Variants in CPQ observed in about 807,000 individuals in gnomAD.
CPQ encodes the protein Ser-Met dipeptidase.
A neutral mutation model predicts 45.7 loss-of-function variants in CPQ; 37 were observed. The ratio of observed to expected loss-of-function variants is 0.81; its 90% confidence interval spans 0.62 to 1.07. CPQ has a LOEUF of 1.07. Among genes scored for constraint, CPQ ranks in the 50% least tolerant of loss-of-function variants. CPQ has a pLI of 0.00. For missense variants in CPQ, 537 were observed against 572.9 expected (o/e 0.94, Z 0.64); for synonymous variants, 186 against 205.8 (o/e 0.90, Z 0.82).
chr8:96,857,225 G>T (rs1811863280), intron 3 of CPQ, among the ~76,000 whole-genome samples: 1 of 152,156 alleles, frequency 6.6e-6, no homozygotes, highest in African/African-American at 2.4e-5. Context: ...GAGAAGAAAT[G>T]AATCTGTAAG....
chr8:96,795,941 G>A lies in CPQ; in HGVS notation c.433+10611G>A, dbSNP rs572219881. Among the ~76,000 whole-genome samples, 58 of 151,864 alleles carry A rather than the reference G, an allele frequency of 3.8e-4. No homozygotes were observed. The South Asian group carries it at 0.012, about 30-fold the overall frequency. On this transcript the variant is annotated intron_variant, in intron 2 of 7. Transcript: ENST00000220763. ...CTTAGAAGCTGTTTTATTTTTTAGT[G>A]GTTTTAGTTGTTTAAAAATGTTAAC...
intron 7 of CPQ, among the ~76,000 whole-genome samples, chr8:97,126,210 A>G (rs1811845254): frequency 6.6e-6 from 1 of 152,210 alleles, no homozygotes; most frequent in South Asian, 2.1e-4. Flanking sequence ...CAACTGCACA[A>G]TATATACACG....
intron 6 of CPQ, among the ~76,000 whole-genome samples, chr8:97,037,832 A>G (rs912311539): frequency 6.6e-6 from 1 of 152,214 alleles, no homozygotes; most frequent in Non-Finnish European, 1.5e-5. Context: ...AGGCAGAGCT[A>G]TCAAAATATC....
chr8:96,954,428 A>G (rs1024792019), intron 4 of CPQ, among the ~76,000 whole-genome samples: 2 of 152,134 alleles, frequency 1.3e-5, no homozygotes, highest in African/African-American at 2.4e-5. Context: ...TAAATCCACA[A>G]CATGACAATA....
intron 2 of CPQ, among the ~76,000 whole-genome samples, chr8:96,819,039 C>G (rs984976000): frequency 2.0e-5 from 3 of 152,046 alleles, no homozygotes; most frequent in African/African-American, 7.2e-5. Flanking sequence ...ACATTACTTT[C>G]AAGTCTGTCT....
intron 7 of CPQ, among the ~76,000 whole-genome samples, chr8:97,068,698 G>C (rs1180178992): frequency 6.6e-6 from 1 of 152,168 alleles, no homozygotes; most frequent in Non-Finnish European, 1.5e-5. Context: ...CTAATGTGTA[G>C]GAAGTACCTA....
At chr8:97,109,978 A>AT (rs1336942741) in intron 7 of CPQ, among the ~76,000 whole-genome samples, 1 of 151,902 alleles carries the variant, frequency 6.6e-6, no homozygotes, top group Middle Eastern at 3.2e-3. Flanking sequence ...CCCAACTCTT[A>AT]TTTTTTTCTA....
At chr8:97,027,180 G>A (rs569801187) in intron 5 of CPQ, among the ~76,000 whole-genome samples, 3 of 152,224 alleles carry the variant, frequency 2.0e-5, no homozygotes, top group Admixed American at 1.3e-4. Flanking sequence ...GAAAGAAACC[G>A]AAGATTGTTA....
intron 1 of CPQ, among the ~76,000 whole-genome samples, chr8:96,747,308 A>C (rs927889315): frequency 1.7e-4 from 26 of 151,082 alleles, no homozygotes; most frequent in African/African-American, 6.1e-4. Context: ...AAAAAAAAAA[A>C]CACTGTTTGA....
At chr8:96,655,851 A>G (rs1418802647) in intron 1 of CPQ, among the ~76,000 whole-genome samples, 1 of 152,124 alleles carries the variant, frequency 6.6e-6, no homozygotes, top group Non-Finnish European at 1.5e-5. Context: ...TATATTTGTA[A>G]TCCTTGTGTT....
chr8:96,881,951 C>G (rs1812229178), intron 4 of CPQ, among the ~76,000 whole-genome samples: 1 of 152,112 alleles, frequency 6.6e-6, no homozygotes. Context: ...AGAAATGGAA[C>G]TTAAAAATGT....
chr8:96,719,971 C>T (rs1452929269), intron 1 of CPQ, among the ~76,000 whole-genome samples: 2 of 152,130 alleles, frequency 1.3e-5, no homozygotes, highest in Non-Finnish European at 2.9e-5. Context: ...CCTGCCACTT[C>T]ATTCAAAGGG....
At chr8:97,057,043 G>T (rs1285181509) in intron 6 of CPQ, among the ~76,000 whole-genome samples, 2 of 151,988 alleles carry the variant, frequency 1.3e-5, no homozygotes, top group Non-Finnish European at 2.9e-5. Flanking sequence ...TTCATATATA[G>T]ATACCCTCAT....
rs189347726 is a variant in CPQ at position 96,926,061 on chromosome 8, T to G, written c.850-39874T>G. On this transcript the variant is annotated intron_variant, in intron 4 of 7. Transcript: ENST00000220763. Reference sequence around the variant, plus strand: ...TTGAGAACACCACTGTACCTGGATGTGATTGCTCTCTTCTCTGAAAACCTA... The same window carrying G: ...TTGAGAACACCACTGTACCTGGATGGGATTGCTCTCTTCTCTGAAAACCTA... Among the ~76,000 whole-genome samples the G allele has an allele frequency of 3.8e-3, 580 of 152,342 alleles. 7 individuals carry two copies. The highest frequency in any genetic ancestry group is 0.011 in the Admixed American group (163 of 15,298).
chr8:97,111,205 C>T (rs568023153), intron 7 of CPQ, among the ~76,000 whole-genome samples: 79 of 152,248 alleles, frequency 5.2e-4, no homozygotes, highest in Middle Eastern at 3.4e-3. Flanking sequence ...TCCTCCATAC[C>T]TTTTCCCACA....
At chr8:96,745,106 G>A (rs1355911200) in intron 1 of CPQ, among the ~76,000 whole-genome samples, 2 of 152,238 alleles carry the variant, frequency 1.3e-5, no homozygotes, top group East Asian at 1.9e-4. Context: ...TCAGGAGTTC[G>A]AGACTAGCCT....
chr8:96,864,392 T>C (rs1042975175), intron 3 of CPQ, among the ~76,000 whole-genome samples: 3 of 152,028 alleles, frequency 2.0e-5, no homozygotes, highest in Non-Finnish European at 2.9e-5. Flanking sequence ...AAGCTTTTCC[T>C]TCACCCCAAC....
chr8:96,888,233 A>C (rs1170943178), intron 4 of CPQ, among the ~76,000 whole-genome samples: 2 of 152,160 alleles, frequency 1.3e-5, no homozygotes, highest in South Asian at 2.1e-4. Flanking sequence ...AGCCACCCCA[A>C]GTTGAGAGTC....
intron 1 of CPQ, among the ~76,000 whole-genome samples, chr8:96,752,313 G>A (rs1810273005): frequency 6.6e-6 from 1 of 152,106 alleles, no homozygotes; most frequent in African/African-American, 2.4e-5. Flanking sequence ...TTTGATCAGT[G>A]GTTTGTAATT....
Sources: gnomAD v4.1 joint callset for allele counts (sites outside exome capture counted in the v4.1 genomes callset) on GRCh38, gnomAD v4.1.1 for gene constraint, MANE v1.5 for transcripts, NCBI Gene and HGNC (gene_info 2026-07-23, HGNC 2026-07-21) for gene names.